Variants in RSPO2 observed in about 807,000 individuals in gnomAD.
The protein encoded by RSPO2 is R-spondin-2.
Under a neutral mutation model 30.9 loss-of-function variants are expected in RSPO2, and 14 were observed. That is an observed-to-expected ratio of 0.45 (90% CI 0.30 to 0.71). The LOEUF (loss-of-function observed/expected upper bound fraction) is 0.71, where lower values mean the gene tolerates loss of function less well. RSPO2 is among the 30% of genes least tolerant of loss of function. RSPO2 has a pLI of 0.08. For missense variants in RSPO2, 264 were observed against 301.9 expected (o/e 0.87, Z 0.93); for synonymous variants, 107 against 96.4 (o/e 1.11, Z -0.64).
chr8:108,020,557 A>T (rs1393615181), intron 2 of RSPO2, among the ~76,000 whole-genome samples: 1 of 152,142 alleles, frequency 6.6e-6, no homozygotes, highest in Non-Finnish European at 1.5e-5. Context: ...TGCCTAGAAT[A>T]CCTTTACCTG....
chr8:107,982,759 A>G (rs139847346), intron 3 of RSPO2, among the ~76,000 whole-genome samples: 31 of 152,256 alleles, frequency 2.0e-4, no homozygotes, highest in African/African-American at 7.0e-4. Context: ...AAACAGTGCA[A>G]CGCTGACATT....
chr8:108,057,856 C>A (rs1391293349), intron 2 of RSPO2, among the ~76,000 whole-genome samples: 1 of 152,160 alleles, frequency 6.6e-6, no homozygotes, highest in Non-Finnish European at 1.5e-5. Context: ...AGTTGCTTAT[C>A]AGCTTAAGGA....
chr8:107,914,120 T>C (rs530698762), intron 5 of RSPO2, among the ~76,000 whole-genome samples: 3 of 152,156 alleles, frequency 2.0e-5, no homozygotes, highest in South Asian at 2.1e-4. Flanking sequence ...TACCTGGAGA[T>C]TGACATATAA....
chr8:107,998,694 G>A (rs1332506410), intron 2 of RSPO2, among the ~76,000 whole-genome samples: 1 of 151,970 alleles, frequency 6.6e-6, no homozygotes, highest in African/African-American at 2.4e-5. Context: ...GAAAAAAATT[G>A]ATAATCAAGA....
At chr8:107,998,471 T>C (rs1815104681) in intron 2 of RSPO2, among the ~76,000 whole-genome samples, 1 of 152,180 alleles carries the variant, frequency 6.6e-6, no homozygotes, top group South Asian at 2.1e-4. Flanking sequence ...TTGCTTAGTT[T>C]TATATAAAAT....
chr8:107,944,118 A>G (rs1203808085), intron 5 of RSPO2, among the ~76,000 whole-genome samples: 1 of 152,228 alleles, frequency 6.6e-6, no homozygotes, highest in African/African-American at 2.4e-5. Context: ...TAATAATCAA[A>G]CTTATAATTC....
chr8:107,900,146 T>A lies in RSPO2; in HGVS notation c.*929A>T, dbSNP rs1811398731. 3 of 152,308 alleles carry A rather than the reference T, an allele frequency of 2.0e-5. No individual in the cohort carries two copies. Among genetic ancestry groups the A allele is most frequent in the African/African-American group, 7.2e-5 (3 of 41,570 alleles). 9.4% of individuals were successfully genotyped at this position (152,308 alleles called of 1,614,324 possible). On this transcript the variant is annotated 3_prime_UTR_variant, in exon 6 of 6. Coordinates refer to ENST00000276659, the MANE Select transcript of RSPO2 (RefSeq NM_178565.5). ...TTTCAGTTGTGTTTCATCAAAGTCA[T>A]CACATCTTAGACTCAAAGGCAGTTT... is the stretch of plus-strand genomic sequence containing the variant.
intron 2 of RSPO2, among the ~76,000 whole-genome samples, chr8:108,069,306 C>T (rs1409027877): frequency 1.3e-5 from 2 of 152,098 alleles, no homozygotes; most frequent in African/African-American, 2.4e-5. Flanking sequence ...CTCCGCCTCC[C>T]GGGTTCAAGT....
At chr8:108,005,101 G>A (rs934978682) in intron 2 of RSPO2, among the ~76,000 whole-genome samples, 22 of 152,128 alleles carry the variant, frequency 1.4e-4, no homozygotes, top group African/African-American at 5.3e-4. Context: ...TTTACAACAT[G>A]TCTGTCTGGG....
At chr8:108,059,893 C>T (rs1008778336) in intron 2 of RSPO2, among the ~76,000 whole-genome samples, 12 of 148,710 alleles carry the variant, frequency 8.1e-5, no homozygotes, top group African/African-American at 3.0e-4. Flanking sequence ...AGGAGATATA[C>T]CTAATGCTAA....
intron 5 of RSPO2, among the ~76,000 whole-genome samples, chr8:107,928,453 TCTCCA>T (rs1393959827): frequency 7.9e-5 from 12 of 152,200 alleles, no homozygotes; most frequent in African/African-American, 2.9e-4. Flanking sequence ...TGTAAAGACT[TCTCCA>T]ACACTGTGCT....
chr8:107,981,178 A>G (rs1379859344), intron 3 of RSPO2, among the ~76,000 whole-genome samples: 1 of 152,092 alleles, frequency 6.6e-6, no homozygotes, highest in Admixed American at 6.6e-5. Context: ...TTAATTTTAA[A>G]TACCTAGACT....
chr8:107,926,936 G>A (rs2130330376), intron 5 of RSPO2, among the ~76,000 whole-genome samples: 1 of 152,264 alleles, frequency 6.6e-6, no homozygotes, highest in African/African-American at 2.4e-5. Context: ...TGTGAAGAAA[G>A]TCATTGGTAG....
At chr8:107,902,844 C>T (rs113790811) in intron 5 of RSPO2, among the ~76,000 whole-genome samples, 18 of 152,052 alleles carry the variant, frequency 1.2e-4, no homozygotes, top group Non-Finnish European at 2.5e-4. Context: ...CATGATCATG[C>T]CCCCATATTA....
chr8:108,075,419 T>C (rs1812979412), intron 2 of RSPO2, among the ~76,000 whole-genome samples: 1 of 151,172 alleles, frequency 6.6e-6, no homozygotes, highest in Non-Finnish European at 1.5e-5. Context: ...AGGTGGAGGT[T>C]CAGTGAGTCA....
At chr8:108,026,636 G>A (rs1399760097) in intron 2 of RSPO2, among the ~76,000 whole-genome samples, 1 of 152,140 alleles carries the variant, frequency 6.6e-6, no homozygotes, top group Non-Finnish European at 1.5e-5. Flanking sequence ...GGAGGCCGAG[G>A]CAGGTGGATC....
At chr8:108,082,838 T>TG in intron 1 of RSPO2, 31 bp from the exon 2 acceptor site, 1 of 553,388 alleles carries the variant, frequency 1.8e-6, no homozygotes, top group Non-Finnish European at 3.2e-6. Flanking sequence ...ACAGGGTGTG[T>TG]GGGGGATGGA....
Position 107,915,998 on chromosome 8 carries a change from G to A in RSPO2, c.617-14808C>T, listed in dbSNP as rs533753899. Reference sequence around the variant, plus strand: ...TGTTCTCCAAGAGCTTCACCCTGAAGCCAGGAATCCAACTAAGAAACTGGC... The same window carrying A: ...TGTTCTCCAAGAGCTTCACCCTGAAACCAGGAATCCAACTAAGAAACTGGC... On this transcript the variant is annotated intron_variant, in intron 5 of 5. Transcript: ENST00000276659. 2.3e-4 allele frequency among the ~76,000 whole-genome samples: 35 copies of A among 152,222 alleles called. 1 individual carries two copies. In the South Asian group the frequency reaches 4.2e-3, roughly 18 times the overall value.
intron 5 of RSPO2, among the ~76,000 whole-genome samples, chr8:107,953,103 C>T (rs967635433): frequency 2.0e-5 from 3 of 152,234 alleles, no homozygotes; most frequent in African/African-American, 4.8e-5. Context: ...CAAAGCATCA[C>T]CTTAATTACT....
Sources: gnomAD v4.1 joint callset for allele counts (sites outside exome capture counted in the v4.1 genomes callset) on GRCh38, gnomAD v4.1.1 for gene constraint, MANE v1.5 for transcripts, NCBI Gene and HGNC (gene_info 2026-07-23, HGNC 2026-07-21) for gene names.